The following SLC39A11 variants were observed in gnomAD, a reference collection of about 807,000 sequenced individuals.
SLC39A11 encodes solute carrier family 39 member 11, also known as zinc transporter ZIP11.
SLC39A11 carries 33 observed loss-of-function variants against 36.1 expected under a neutral mutation model. The observed-to-expected ratio is 0.91, with a 90% CI of 0.69 to 1.22. The LOEUF (loss-of-function observed/expected upper bound fraction) is 1.22, where lower values mean the gene tolerates loss of function less well. Among genes scored for constraint, SLC39A11 ranks in the 50% most tolerant of loss-of-function variants. The pLI, the probability that SLC39A11 is intolerant of heterozygous loss-of-function variation, is 0.00. For synonymous variants in SLC39A11, 166 were observed against 170.3 expected, an observed-to-expected ratio of 0.97 and a Z score of 0.20; for missense variants, 432 against 430.3, an observed-to-expected ratio of 1.00 and a Z score of -0.03.
chr17:72,855,452 A>T (rs542481739), intron 5 of SLC39A11, among the ~76,000 whole-genome samples: 3 of 152,198 alleles, frequency 2.0e-5, no homozygotes, highest in Non-Finnish European at 4.4e-5. Context: ...GATTAGCACA[A>T]ATGGCAAATC....
intron 7 of SLC39A11, among the ~76,000 whole-genome samples, chr17:72,662,879 G>T (rs1225949122): frequency 6.6e-6 from 1 of 152,182 alleles, no homozygotes; most frequent in Non-Finnish European, 1.5e-5. Flanking sequence ...GTTATTCATG[G>T]CAGTGCTATC....
intron 6 of SLC39A11, chr17:72,818,952 C>G (rs370291320): frequency 6.6e-6 from 1 of 152,058 alleles, no homozygotes; most frequent in African/African-American, 2.4e-5. Context: ...TGAGAAGAAA[C>G]TGGATAAAAA....
At chr17:72,951,752 T>C (rs894843264) in intron 4 of SLC39A11, among the ~76,000 whole-genome samples, 1 of 152,136 alleles carries the variant, frequency 6.6e-6, no homozygotes, top group African/African-American at 2.4e-5. Context: ...CCAAGCATTT[T>C]ACATGTACTA....
intron 5 of SLC39A11, among the ~76,000 whole-genome samples, chr17:72,912,705 A>C (rs28673799): frequency 0.52 from 78,479 of 151,690 alleles, 20,319 homozygotes; most frequent in African/African-American, 0.56. Context: ...AGAAGCATCG[A>C]CCAGAGCAGA....
At chr17:72,989,041 T>C (rs535792243) in intron 4 of SLC39A11, among the ~76,000 whole-genome samples, 1 of 152,304 alleles carries the variant, frequency 6.6e-6, no homozygotes, top group Admixed American at 6.5e-5. Flanking sequence ...TAAGACCTCA[T>C]CTTCATCTCT....
chr17:72,743,920 G>A (rs1010479244), intron 6 of SLC39A11, among the ~76,000 whole-genome samples: 1 of 152,212 alleles, frequency 6.6e-6, no homozygotes, highest in Non-Finnish European at 1.5e-5. Flanking sequence ...TAGTAAGTCC[G>A]ACTGAACGCA....
At chr17:72,958,188 C>T (rs1174647112) in intron 4 of SLC39A11, among the ~76,000 whole-genome samples, 1 of 152,212 alleles carries the variant, frequency 6.6e-6, no homozygotes, top group Non-Finnish European at 1.5e-5. Flanking sequence ...ACTGGATCCT[C>T]ATCTCTCACC....
intron 6 of SLC39A11, among the ~76,000 whole-genome samples, chr17:72,771,991 A>C (rs1181806262): frequency 6.6e-6 from 1 of 152,106 alleles, no homozygotes; most frequent in Non-Finnish European, 1.5e-5. Flanking sequence ...GCTTTCTTCC[A>C]ACTCAACCTG....
intron 4 of SLC39A11, among the ~76,000 whole-genome samples, chr17:73,007,144 C>A (rs115441808): frequency 6.6e-6 from 1 of 152,070 alleles, no homozygotes; most frequent in Non-Finnish European, 1.5e-5. Flanking sequence ...GACACAGGGC[C>A]GGGCGCAGTG....
chr17:72,862,127 A>G (rs1367876198), intron 5 of SLC39A11, among the ~76,000 whole-genome samples: 1 of 152,174 alleles, frequency 6.6e-6, no homozygotes, highest in Non-Finnish European at 1.5e-5. Flanking sequence ...GCCTTTTCAA[A>G]AGATGGCTGT....
intron 6 of SLC39A11, among the ~76,000 whole-genome samples, chr17:72,739,800 T>C (rs1486907651): frequency 6.6e-6 from 1 of 152,170 alleles, no homozygotes; most frequent in Non-Finnish European, 1.5e-5. Flanking sequence ...TTATTTTTTA[T>C]TTACAGTGGA....
intron 7 of SLC39A11, among the ~76,000 whole-genome samples, chr17:72,681,621 A>T (rs1055000369): frequency 6.6e-6 from 1 of 152,174 alleles, no homozygotes; most frequent in Non-Finnish European, 1.5e-5. Context: ...ATTCTGAAAC[A>T]ACGAGGGGTT....
At chr17:72,669,077 C>T (rs1009752808) in intron 7 of SLC39A11, among the ~76,000 whole-genome samples, 4 of 152,238 alleles carry the variant, frequency 2.6e-5, no homozygotes, top group South Asian at 4.1e-4. Flanking sequence ...TCAGTATATT[C>T]GATAATTTTA....
At chr17:72,767,018 C>T (rs57459364) in intron 6 of SLC39A11, among the ~76,000 whole-genome samples, 2,618 of 152,232 alleles carry the variant, frequency 0.017, 71 homozygotes, top group African/African-American at 0.059. Flanking sequence ...AACTTCTCCC[C>T]GACACAGAAA....
intron 5 of SLC39A11, among the ~76,000 whole-genome samples, chr17:72,906,192 G>C (rs2082649680): frequency 6.6e-6 from 1 of 152,240 alleles, no homozygotes; most frequent in Non-Finnish European, 1.5e-5. Flanking sequence ...GATCCAAGGA[G>C]CTCCACAATG....
chr17:72,840,587 C>T (rs149976686), intron 6 of SLC39A11, among the ~76,000 whole-genome samples: 2,148 of 152,254 alleles, frequency 0.014, 61 homozygotes, highest in African/African-American at 0.047. Context: ...GGCAAAACCC[C>T]GCCTCTACTA....
At chr17:72,846,395 G>A (rs904537790) in intron 6 of SLC39A11, among the ~76,000 whole-genome samples, 5 of 150,500 alleles carry the variant, frequency 3.3e-5, no homozygotes, top group Admixed American at 3.3e-4. Context: ...ACTTAGACTT[G>A]GAAACTCCAA....
At chr17:73,030,304 C>T (rs181643144) in intron 4 of SLC39A11, among the ~76,000 whole-genome samples, 1 of 152,342 alleles carries the variant, frequency 6.6e-6, no homozygotes, top group Non-Finnish European at 1.5e-5. Context: ...AGCCGTCCAA[C>T]ATCACATTCA....
At chr17:73,073,269 T>C (rs183935873) in intron 3 of SLC39A11, among the ~76,000 whole-genome samples, 3 of 152,160 alleles carry the variant, frequency 2.0e-5, no homozygotes, top group African/African-American at 7.2e-5. Context: ...AGTGCCAGTG[T>C]CTTGTAGCAT....
Sources: allele counts gnomAD v4.1 joint callset (sites outside exome capture counted in the v4.1 genomes callset), GRCh38; gene constraint gnomAD v4.1.1; transcripts MANE v1.5; gene names NCBI Gene and HGNC (gene_info 2026-07-23, HGNC 2026-07-21).